The following CDC5L variants were observed in gnomAD, a reference collection of about 807,000 sequenced individuals.
CDC5L encodes cell division cycle 5 like, also known as cell division cycle 5-like protein.
Under a neutral mutation model 104.1 loss-of-function variants are expected in CDC5L, and 18 were observed. That is an observed-to-expected ratio of 0.17 (90% confidence interval 0.12 to 0.26). CDC5L has a LOEUF of 0.26. CDC5L is among the 10% of genes least tolerant of loss of function. The pLI is 1.00. For synonymous variants in CDC5L, 331 were observed against 322.7 expected (o/e 1.03, Z -0.28); for missense variants, 673 against 956.9 (o/e 0.70, Z 3.91).
chr6:44,430,451 A>T (rs11572035), intron 14 of CDC5L, among the ~76,000 whole-genome samples: 31 of 148,014 alleles, frequency 2.1e-4, no homozygotes, highest in African/African-American at 7.8e-4. Context: ...AACATACTAG[A>T]TGCAGTTTCA....
intron 14 of CDC5L, among the ~76,000 whole-genome samples, chr6:44,435,237 AGGT>A (rs1283319351): frequency 6.6e-6 from 1 of 152,042 alleles, no homozygotes; most frequent in Non-Finnish European, 1.5e-5. Flanking sequence ...ACTTCTAAAA[AGGT>A]GGTAAGTGGA....
At chr6:44,437,442 ATAGT>A (rs942245162) in intron 14 of CDC5L, among the ~76,000 whole-genome samples, 2 of 152,206 alleles carry the variant, frequency 1.3e-5, no homozygotes, top group African/African-American at 4.8e-5. Context: ...TAATGACTAT[ATAGT>A]TATTTGGCTA....
At chr6:44,421,954 C>T (rs192045324) in intron 9 of CDC5L, among the ~76,000 whole-genome samples, 1 of 152,208 alleles carries the variant, frequency 6.6e-6, no homozygotes, top group East Asian at 1.9e-4. Context: ...GTGATAACAC[C>T]TTACCTATCA....
At chr6:44,437,163 G>A (rs1279315377) in intron 14 of CDC5L, among the ~76,000 whole-genome samples, 2 of 152,156 alleles carry the variant, frequency 1.3e-5, no homozygotes, top group Non-Finnish European at 2.9e-5. Flanking sequence ...TCTGTGTGTG[G>A]ATGGGTGTTG....
intron 1 of CDC5L, among the ~76,000 whole-genome samples, chr6:44,389,662 A>G (rs1790504322): frequency 6.6e-6 from 1 of 151,982 alleles, no homozygotes; most frequent in Non-Finnish European, 1.5e-5. Context: ...TAGACCTGAG[A>G]TGTGGATTCT....
intron 13 of CDC5L, among the ~76,000 whole-genome samples, chr6:44,427,102 T>G (rs981333701): frequency 6.6e-6 from 1 of 152,226 alleles, no homozygotes; most frequent in African/African-American, 2.4e-5. Flanking sequence ...TGAGAGAGAC[T>G]AATATAAAAA....
At chr6:44,441,464 A>T (rs924192525) in intron 14 of CDC5L, among the ~76,000 whole-genome samples, 1 of 152,202 alleles carries the variant, frequency 6.6e-6, no homozygotes, top group Admixed American at 6.5e-5. Flanking sequence ...ATTCCTTTGG[A>T]TATGTATAGC....
chr6:44,424,632 A>G, intron 11 of CDC5L, 49 bp downstream of exon 11: 1 of 1,579,520 alleles, frequency 6.3e-7, no homozygotes. Context: ...ATGTGTCAGT[A>G]GGCTGGAAGA....
chr6:44,446,751 G>A lies in CDC5L; in HGVS notation c.*40G>A, dbSNP rs774356348. 3.6e-5 allele frequency: 36 copies of A among 993,306 alleles called. No individual in the cohort carries two copies. Among genetic ancestry groups the A allele is most frequent in the Non-Finnish European group, 3.2e-5 (21 of 651,558 alleles). The allele number at this position is 993,306 out of a possible 1,614,324, so 61.5% of individuals were successfully genotyped here. The stretch of plus-strand genomic sequence containing the variant: ...TCTGTCACAGGATTAATTAATTGCC[G>A]GTTTTCATACTCTAGAAGGCTGAAA... On this transcript the variant is annotated 3_prime_UTR_variant, in exon 16 of 16. Coordinates refer to ENST00000371477, the MANE Select transcript of CDC5L (RefSeq NM_001253.4).
chr6:44,419,210 T>TG (rs1792049299), intron 8 of CDC5L, among the ~76,000 whole-genome samples: 1 of 152,224 alleles, frequency 6.6e-6, no homozygotes, highest in Admixed American at 6.5e-5. Context: ...TTCAGCTTTC[T>TG]ACATATGGCT....
rs930154284 is a variant in CDC5L, at chr6:44,447,983, ATT to A, written c.*1275_*1276del. On this transcript the variant is annotated 3_prime_UTR_variant, in exon 16 of 16. Coordinates refer to ENST00000371477, the MANE Select transcript of CDC5L (RefSeq NM_001253.4). ...ATTATGAGATAGTGAATGAGTGGCT[ATT>A]TTAGACTGGACGATCAAAGAGACCT... The A allele has an allele frequency of 6.6e-6, 1 of 152,186 alleles. No individual in the cohort carries two copies. Among genetic ancestry groups the A allele is most frequent in the Admixed American group, 6.5e-5 (1 of 15,276 alleles). 9.4% of individuals were successfully genotyped at this position (152,186 alleles called of 1,614,324 possible).
At chr6:44,432,835 G>T (rs1002900753) in intron 14 of CDC5L, among the ~76,000 whole-genome samples, 1 of 152,118 alleles carries the variant, frequency 6.6e-6, no homozygotes, top group Admixed American at 6.5e-5. Flanking sequence ...AGACTTTTGT[G>T]TGTAAAATAA....
At chr6:44,411,635 A>AGTGTGTGTGTGTGTGT (rs372072520) in intron 8 of CDC5L, among the ~76,000 whole-genome samples, 3,295 of 121,364 alleles carry the variant, frequency 0.027, 45 homozygotes, top group Non-Finnish European at 0.029. Flanking sequence ...AGAGAGAGAG[A>AGTGTGTGTGTGTGTGT]GAGTGTGTGT....
At chr6:44,394,125 T>C (rs778712283) in intron 4 of CDC5L, among the ~76,000 whole-genome samples, 5 of 152,220 alleles carry the variant, frequency 3.3e-5, no homozygotes, top group Non-Finnish European at 7.3e-5. Flanking sequence ...TGTGGTGGTA[T>C]GTGCCTGTAG....
At position 44,426,514 on chromosome 6, in the gene CDC5L, A is replaced by T. The variant is rs1440259632; in HGVS notation, c.1683A>T (p.Val561=). The part of the protein sequence containing the change: ...VNETILRPLN[V]EPPLTDLQKS... ...AAACTATTCTAAGACCCTTAAATGT[A>T]GAACCGCCTTTAACAGATTTACAGA... Residue 561 remains valine (V), a synonymous_variant, in exon 13 of 16, where the codon GTA becomes GTT. Coordinates refer to ENST00000371477, the MANE Select transcript of CDC5L (RefSeq NM_001253.4). 3 of 1,568,440 alleles carry T rather than the reference A, an allele frequency of 1.9e-6. No homozygotes were observed. Among genetic ancestry groups the T allele is most frequent in the Non-Finnish European group, 2.6e-6 (3 of 1,139,184 alleles).
At chr6:44,397,151 A>G (rs1790907933) in intron 5 of CDC5L, among the ~76,000 whole-genome samples, 1 of 152,136 alleles carries the variant, frequency 6.6e-6, no homozygotes, top group African/African-American at 2.4e-5. Context: ...AAGCCCTCTA[A>G]TCCTGCCGTG....
chr6:44,449,607 A>G lies in CDC5L; in HGVS notation c.*2896A>G, dbSNP rs1793573319. The stretch of plus-strand genomic sequence containing the variant: ...GTGTTAAGCATGTTAAAGTCTCAGT[A>G]ACTTTGGGATAGAAATAAAATGTGA... On this transcript the variant is annotated 3_prime_UTR_variant, in exon 16 of 16. Coordinates refer to ENST00000371477, the MANE Select transcript of CDC5L (RefSeq NM_001253.4). 1 of 152,236 alleles carries G rather than the reference A, an allele frequency of 6.6e-6. No homozygotes were observed. The highest frequency in any genetic ancestry group is 2.4e-5 in the African/African-American group (1 of 41,466). 9.4% of individuals were successfully genotyped at this position (152,236 alleles called of 1,614,324 possible).
chr6:44,427,939 A>G (rs1400479644), intron 13 of CDC5L, among the ~76,000 whole-genome samples: 2 of 152,250 alleles, frequency 1.3e-5, no homozygotes, highest in Non-Finnish European at 2.9e-5. Flanking sequence ...CAATTTTTGA[A>G]AAATAATAAT....
chr6:44,433,972 T>A (rs34849199), intron 14 of CDC5L, among the ~76,000 whole-genome samples: 21 of 152,338 alleles, frequency 1.4e-4, no homozygotes, highest in Non-Finnish European at 2.2e-4. Context: ...TCAGCAGGTT[T>A]ATGCTTATGT....
Sources: gnomAD v4.1 joint callset for allele counts (sites outside exome capture counted in the v4.1 genomes callset) on GRCh38, gnomAD v4.1.1 for gene constraint, MANE v1.5 for transcripts, NCBI Gene and HGNC (gene_info 2026-07-23, HGNC 2026-07-21) for gene names.